CFAP77: variants seen among roughly 807,000 people sequenced by gnomAD.
CFAP77 encodes cilia and flagella associated protein 77.
A neutral mutation model predicts 31.1 loss-of-function variants in CFAP77; 25 were observed. The ratio of observed to expected loss-of-function variants is 0.80; its 90% confidence interval spans 0.59 to 1.12. CFAP77 has a LOEUF of 1.12. Ranked by LOEUF, CFAP77 falls within the 50% of genes most tolerant of loss-of-function variation. CFAP77 has a pLI of 0.00. For missense variants in CFAP77, 377 were observed against 397.3 expected (o/e 0.95, Z 0.44); for synonymous variants, 151 against 159.9 (o/e 0.94, Z 0.42).
At chr9:132,506,869 G>A (rs546764290) in intron 3 of CFAP77, among the ~76,000 whole-genome samples, 19 of 152,294 alleles carry the variant, frequency 1.2e-4, no homozygotes, top group African/African-American at 4.6e-4. Flanking sequence ...CTTCTGTGCA[G>A]TGCGAGGAGG....
intron 5 of CFAP77, among the ~76,000 whole-genome samples, chr9:132,563,746 G>A (rs1167967869): frequency 1.3e-5 from 2 of 152,202 alleles, no homozygotes; most frequent in Non-Finnish European, 2.9e-5. Flanking sequence ...CGCTGGTAGT[G>A]CATGGAAGTT....
intron 3 of CFAP77, among the ~76,000 whole-genome samples, chr9:132,531,722 T>TA (rs556336534): frequency 6.6e-5 from 10 of 152,076 alleles, no homozygotes; most frequent in Non-Finnish European, 1.3e-4. Context: ...TCCACCTTTG[T>TA]ATCCAAGGTA....
At chr9:132,559,346 C>CAAA (rs35737685) in intron 5 of CFAP77, among the ~76,000 whole-genome samples, 712 of 56,068 alleles carry the variant, frequency 0.013, 29 homozygotes, top group African/African-American at 0.022. Context: ...CTCTGTCTTG[C>CAAA]AAAAAAAAAA....
At chr9:132,523,895 C>A (rs1465791442) in intron 3 of CFAP77, among the ~76,000 whole-genome samples, 1 of 152,176 alleles carries the variant, frequency 6.6e-6, no homozygotes, top group Non-Finnish European at 1.5e-5. Context: ...TGCCCCGCCA[C>A]CCCCACTCCC....
Position 132,537,712 on chromosome 9 carries a change from T to C in CFAP77, c.630+6T>C. On this transcript the variant is annotated splice_donor_region_variant and intron_variant, in intron 4 of 5. Transcript: ENST00000393216. Reference sequence around the variant, plus strand: ...AACTGGAGAAGAAGCAGAAGGTAAATGCAGCCCTCGCTCCCAAGTTGACAG... The same window carrying C: ...AACTGGAGAAGAAGCAGAAGGTAAACGCAGCCCTCGCTCCCAAGTTGACAG... 3 of 1,609,044 alleles carry C rather than the reference T, an allele frequency of 1.9e-6. No homozygotes were observed. Among genetic ancestry groups the C allele is most frequent in the East Asian group, 2.2e-5 (1 of 44,804 alleles).
At chr9:132,492,664 A>T (rs915696845) in intron 1 of CFAP77, among the ~76,000 whole-genome samples, 4 of 152,320 alleles carry the variant, frequency 2.6e-5, no homozygotes, top group African/African-American at 9.6e-5. Flanking sequence ...CACAGTGGTT[A>T]CACCACGTTA....
At chr9:132,459,423 GTGT>G (rs1564211578) in intron 1 of CFAP77, among the ~76,000 whole-genome samples, 8 of 112,370 alleles carry the variant, frequency 7.1e-5, no homozygotes, top group Non-Finnish European at 9.1e-5. Context: ...TGAATAGGGT[GTGT>G]GTGTGTGTGT....
chr9:132,486,090 A>ATTTTATTTTTT lies in CFAP77; in HGVS notation c.196-12601_196-12600insATTTTTTTTTT, dbSNP rs1554742622. ...TGTATATATATATATATATATATAT[A>ATTTTATTTTTT]TTTTTTTTTTTTTTTTTTTTGAGAC... is the stretch of plus-strand genomic sequence containing the variant. On this transcript the variant is annotated intron_variant, in intron 1 of 5. Transcript: ENST00000393216. Among the ~76,000 whole-genome samples the ATTTTATTTTTT allele has an allele frequency of 2.6e-4, 4 of 15,356 alleles. 2 individuals are homozygous for ATTTTATTTTTT. The highest frequency in any genetic ancestry group is 1.7e-3 in the African/African-American group (4 of 2,314). 10.1% of individuals were successfully genotyped at this position (15,356 alleles called of 152,430 possible).
intron 1 of CFAP77, among the ~76,000 whole-genome samples, chr9:132,478,914 TA>T (rs11313640): frequency 0.052 from 7,954 of 152,276 alleles, 655 homozygotes; most frequent in East Asian, 0.36. Context: ...GGCTGGTCTA[TA>T]AACCAGTTTG....
intron 1 of CFAP77, among the ~76,000 whole-genome samples, chr9:132,494,262 T>G (rs1851702117): frequency 6.6e-6 from 1 of 152,160 alleles, no homozygotes; most frequent in South Asian, 2.1e-4. Context: ...AAGGGACAGA[T>G]AGCTCCTTGA....
intron 1 of CFAP77, among the ~76,000 whole-genome samples, chr9:132,429,661 G>T (rs185779382): frequency 6.7e-6 from 1 of 148,756 alleles, no homozygotes; most frequent in East Asian, 2.0e-4. Flanking sequence ...TGGCTAACAC[G>T]GCGAAACCCC....
intron 1 of CFAP77, among the ~76,000 whole-genome samples, chr9:132,475,506 T>TGCA (rs1434963379): frequency 5.9e-5 from 9 of 152,132 alleles, no homozygotes; most frequent in Admixed American, 5.2e-4. Flanking sequence ...CCGATAATCG[T>TGCA]CTCTGAATTG....
At chr9:132,525,445 G>A (rs1204149342) in intron 3 of CFAP77, among the ~76,000 whole-genome samples, 1 of 152,170 alleles carries the variant, frequency 6.6e-6, no homozygotes, top group Non-Finnish European at 1.5e-5. Flanking sequence ...TTCACAGAAA[G>A]TTTTAAAGAG....
rs202054438 is a variant in CFAP77, at chr9:132,459,534, AGTGTGTGTAG to A, written c.196-39152_196-39143del. 4.9e-5 allele frequency among the ~76,000 whole-genome samples: 7 copies of A among 143,562 alleles called. No individual in the cohort carries two copies. In the East Asian group the frequency reaches 1.5e-3, roughly 30 times the overall value. 94.2% of individuals were successfully genotyped at this position (143,562 alleles called of 152,430 possible). A position where few individuals can be genotyped will look rare whatever the true frequency, so the allele number is the denominator to read the frequency against. On this transcript the variant is annotated intron_variant, in intron 1 of 5. Transcript: ENST00000393216. ...CTCTGTTTAGGTGGGTGTATGTGTG[AGTGTGTGTAG>A]GTGTGTGTGTATGTGTGTGAGCATG...
At chr9:132,505,710 C>G (rs1188753388) in intron 3 of CFAP77, among the ~76,000 whole-genome samples, 1 of 152,148 alleles carries the variant, frequency 6.6e-6, no homozygotes, top group Non-Finnish European at 1.5e-5. Context: ...TGCGCTCTGC[C>G]TGGCTCCTGG....
At chr9:132,469,695 A>G (rs893012119) in intron 1 of CFAP77, among the ~76,000 whole-genome samples, 2 of 152,212 alleles carry the variant, frequency 1.3e-5, no homozygotes, top group African/African-American at 4.8e-5. Flanking sequence ...AAATAATTAC[A>G]GACTCACAGA....
intron 1 of CFAP77, among the ~76,000 whole-genome samples, chr9:132,453,042 G>T (rs373364201): frequency 5.3e-5 from 8 of 152,144 alleles, no homozygotes; most frequent in African/African-American, 1.9e-4. Context: ...CAGTCAACAC[G>T]AACCACTTGG....
At chr9:132,534,646 C>T (rs972451667) in intron 3 of CFAP77, among the ~76,000 whole-genome samples, 5 of 150,032 alleles carry the variant, frequency 3.3e-5, no homozygotes, top group Admixed American at 6.7e-5. Flanking sequence ...TTTCCCTTAT[C>T]GCCTATTTGA....
At chr9:132,411,001 A>T (rs73552774) in intron 1 of CFAP77, among the ~76,000 whole-genome samples, 4,148 of 152,302 alleles carry the variant, frequency 0.027, 203 homozygotes, top group African/African-American at 0.093. Context: ...TTACAACCCT[A>T]AGAGAAAAAA....
Sources: gnomAD v4.1 joint callset for allele counts (sites outside exome capture counted in the v4.1 genomes callset) on GRCh38, gnomAD v4.1.1 for gene constraint, MANE v1.5 for transcripts, NCBI Gene and HGNC (gene_info 2026-07-23, HGNC 2026-07-21) for gene names.